Variants in KLHL1 observed in about 807,000 individuals in gnomAD.
The protein encoded by KLHL1 is kelch-like protein 1.
KLHL1 carries 47 observed loss-of-function variants against 77.7 expected under a neutral mutation model. The ratio of observed to expected loss-of-function variants is 0.60; its 90% CI spans 0.48 to 0.77. The LOEUF (loss-of-function observed/expected upper bound fraction) is 0.77, where lower values mean the gene tolerates loss of function less well. Ranked by LOEUF, KLHL1 falls within the 30% of genes least tolerant of loss-of-function variation. KLHL1 has a pLI of 0.00. For synonymous variants in KLHL1, 360 were observed against 325.2 expected (o/e 1.11, Z -1.15); for missense variants, 925 against 910.8 (o/e 1.02, Z -0.20).
chr13:70,062,653 ATGAG>A (rs756860010), intron 1 of KLHL1, among the ~76,000 whole-genome samples: 4 of 152,146 alleles, frequency 2.6e-5, no homozygotes, highest in African/African-American at 7.2e-5. Flanking sequence ...TAATAAATTG[ATGAG>A]TGAGTAAATA....
At chr13:69,718,852 A>G (rs897453865) in intron 9 of KLHL1, among the ~76,000 whole-genome samples, 7 of 152,134 alleles carry the variant, frequency 4.6e-5, no homozygotes, top group Non-Finnish European at 1.0e-4. Context: ...ATTATTAAAA[A>G]TATAGCTCCA....
At chr13:70,080,689 C>G (rs1328670313) in intron 1 of KLHL1, among the ~76,000 whole-genome samples, 1 of 152,060 alleles carries the variant, frequency 6.6e-6, no homozygotes, top group Non-Finnish European at 1.5e-5. Flanking sequence ...CTCCACCTCC[C>G]GGGTTCATGC....
At chr13:70,104,819 C>T (rs1263640117) in intron 1 of KLHL1, among the ~76,000 whole-genome samples, 2 of 152,044 alleles carry the variant, frequency 1.3e-5, no homozygotes, top group African/African-American at 2.4e-5. Context: ...CCACATTACT[C>T]ATGATTTTGC....
intron 7 of KLHL1, among the ~76,000 whole-genome samples, chr13:69,787,289 A>G (rs2138018746): frequency 6.6e-6 from 1 of 152,342 alleles, no homozygotes; most frequent in South Asian, 2.1e-4. Flanking sequence ...CCAAAAGAGC[A>G]TGGTACTGGT....
chr13:69,827,729 CAA>C (rs58504097), intron 6 of KLHL1, among the ~76,000 whole-genome samples: 412 of 73,020 alleles, frequency 5.6e-3, no homozygotes, highest in African/African-American at 0.016. Flanking sequence ...GACCCTGTCT[CAA>C]AAAAAAAAAA....
chr13:70,054,765 A>G (rs1480238891), intron 1 of KLHL1, among the ~76,000 whole-genome samples: 1 of 152,000 alleles, frequency 6.6e-6, no homozygotes, highest in Non-Finnish European at 1.5e-5. Context: ...GAGCTGAAAA[A>G]TTCAAAAGAA....
intron 4 of KLHL1, among the ~76,000 whole-genome samples, chr13:69,928,634 G>A (rs1274540883): frequency 6.6e-6 from 1 of 152,138 alleles, no homozygotes; most frequent in Non-Finnish European, 1.5e-5. Flanking sequence ...ACATAAATGA[G>A]TCTTGAGTAT....
intron 3 of KLHL1, among the ~76,000 whole-genome samples, chr13:69,953,637 A>G (rs184369797): frequency 4.2e-4 from 64 of 151,174 alleles, no homozygotes; most frequent in African/African-American, 1.5e-3. Context: ...ATATACAATA[A>G]AAATCCATCT....
intron 5 of KLHL1, among the ~76,000 whole-genome samples, chr13:69,856,407 G>T (rs1265959839): frequency 6.6e-6 from 1 of 151,902 alleles, no homozygotes; most frequent in Non-Finnish European, 1.5e-5. Flanking sequence ...TACTACTATT[G>T]CCATGAATAA....
chr13:70,030,915 A>G (rs1460613678), intron 1 of KLHL1, among the ~76,000 whole-genome samples: 1 of 152,226 alleles, frequency 6.6e-6, no homozygotes, highest in Non-Finnish European at 1.5e-5. Context: ...AGGGGATATC[A>G]CCACCAATCC....
intron 1 of KLHL1, among the ~76,000 whole-genome samples, chr13:70,032,193 A>G (rs74385938): frequency 0.033 from 5,066 of 152,240 alleles, 168 homozygotes; most frequent in African/African-American, 0.076. Flanking sequence ...TGCTATGACT[A>G]TGGAGTGGTG....
In KLHL1 at chr13:69,738,303, A is replaced by C. The variant is rs77440468; in HGVS notation, c.1802+2091T>G. On this transcript the variant is annotated intron_variant, in intron 8 of 10. Coordinates refer to ENST00000377844, the MANE Select transcript of KLHL1 (RefSeq NM_020866.3). ...GAAGATGAGAAAGAATCTACACACA[A>C]AAATGCTGAAAACTCAAAAAGCCAG... Among the ~76,000 whole-genome samples the C allele has an allele frequency of 5.9e-3, 891 of 152,286 alleles. 7 individuals are homozygous for C. Among genetic ancestry groups the C allele is most frequent in the African/African-American group, 0.019 (809 of 41,568 alleles).
chr13:69,887,120 AAATTTCT>A (rs1458086336), intron 4 of KLHL1, among the ~76,000 whole-genome samples: 1 of 152,194 alleles, frequency 6.6e-6, no homozygotes, highest in African/African-American at 2.4e-5. Flanking sequence ...TAAGATTTTA[AAATTTCT>A]AATTCCTTAA....
At chr13:69,929,711 T>C (rs941306446) in intron 4 of KLHL1, among the ~76,000 whole-genome samples, 2 of 151,922 alleles carry the variant, frequency 1.3e-5, no homozygotes, top group African/African-American at 2.4e-5. Context: ...ATGCTAGTTG[T>C]AAAATAATTT....
intron 1 of KLHL1, among the ~76,000 whole-genome samples, chr13:70,026,112 C>T (rs1427879097): frequency 4.6e-5 from 7 of 152,086 alleles, no homozygotes; most frequent in Admixed American, 2.0e-4. Flanking sequence ...GTTAAAAGAG[C>T]TTCTTTGTCT....
intron 4 of KLHL1, among the ~76,000 whole-genome samples, chr13:69,935,444 A>G (rs1435880176): frequency 1.3e-5 from 2 of 152,146 alleles, no homozygotes; most frequent in Admixed American, 1.3e-4. Context: ...ACAAAAACAA[A>G]TATATATTAT....
At chr13:70,080,853 A>G (rs753505443) in intron 1 of KLHL1, among the ~76,000 whole-genome samples, 4 of 152,128 alleles carry the variant, frequency 2.6e-5, no homozygotes, top group Non-Finnish European at 5.9e-5. Context: ...CTCCTGCCTC[A>G]GCCTCCCAAA....
chr13:69,766,743 A>G (rs118092626), intron 7 of KLHL1, among the ~76,000 whole-genome samples: 1,888 of 152,204 alleles, frequency 0.012, 15 homozygotes, highest in Non-Finnish European at 0.021. Flanking sequence ...GATTCTCTTA[A>G]TGATATTTTT....
intron 4 of KLHL1, among the ~76,000 whole-genome samples, chr13:69,920,675 T>C (rs957536142): frequency 7.3e-5 from 11 of 150,246 alleles, no homozygotes; most frequent in South Asian, 6.3e-4. Context: ...CAGATATACC[T>C]TTTCATACTT....
Sources: allele counts gnomAD v4.1 joint callset (sites outside exome capture counted in the v4.1 genomes callset), GRCh38; gene constraint gnomAD v4.1.1; transcripts MANE v1.5; gene names NCBI Gene and HGNC (gene_info 2026-07-23, HGNC 2026-07-21).